Variants in NRG1 observed in about 807,000 individuals in gnomAD.
NRG1 encodes pro-neuregulin-1, membrane-bound isoform.
A neutral mutation model predicts 63.8 loss-of-function variants in NRG1; 18 were observed. That is an observed-to-expected ratio of 0.28 (90% CI 0.19 to 0.42). NRG1 has a LOEUF of 0.42. Among genes scored for constraint, NRG1 ranks in the 10% least tolerant of loss-of-function variants. The probability of loss-of-function intolerance (pLI) is 1.00; values close to 1 mark genes in which losing one functional copy is unlikely to be tolerated. For synonymous variants in NRG1, 302 were observed against 301.3 expected (o/e 1.00, Z -0.02); for missense variants, 762 against 814.7 (o/e 0.94, Z 0.79).
At chr8:32,231,983 AG>A (rs1847005833) in intron 1 of NRG1, among the ~76,000 whole-genome samples, 1 of 152,006 alleles carries the variant, frequency 6.6e-6, no homozygotes, top group Non-Finnish European at 1.5e-5. Context: ...AGCTCACTGC[AG>A]CCTCAACCTC....
intron 1 of NRG1, among the ~76,000 whole-genome samples, chr8:32,278,873 T>A (rs1563263005): frequency 6.6e-6 from 1 of 152,224 alleles, no homozygotes; most frequent in Non-Finnish European, 1.5e-5. Context: ...AGCTGACGTC[T>A]ATTGTCCTGC....
At chr8:32,733,689 G>A (rs1824316137) in intron 6 of NRG1, among the ~76,000 whole-genome samples, 1 of 151,956 alleles carries the variant, frequency 6.6e-6, no homozygotes, top group Non-Finnish European at 1.5e-5. Flanking sequence ...TATAAGGAAT[G>A]GTGTCTGATC....
At chr8:31,985,423 C>G (rs1809895919) in intron 1 of NRG1, among the ~76,000 whole-genome samples, 1 of 152,142 alleles carries the variant, frequency 6.6e-6, no homozygotes, top group Non-Finnish European at 1.5e-5. Flanking sequence ...CCCAGTACCT[C>G]TAAAAATTAA....
chr8:32,449,483 C>T (rs1007815161), intron 1 of NRG1, among the ~76,000 whole-genome samples: 1 of 151,286 alleles, frequency 6.6e-6, no homozygotes, highest in African/African-American at 2.4e-5. Flanking sequence ...CCATTTATTT[C>T]AGGTGTAAGA....
At chr8:32,712,325 G>A (rs947150462) in intron 5 of NRG1, among the ~76,000 whole-genome samples, 2 of 152,142 alleles carry the variant, frequency 1.3e-5, no homozygotes, top group Non-Finnish European at 2.9e-5. Flanking sequence ...GAAATTGTCT[G>A]TAAAGAGTCT....
At chr8:31,847,382 A>G (rs2129608530) in intron 1 of NRG1, among the ~76,000 whole-genome samples, 1 of 152,296 alleles carries the variant, frequency 6.6e-6, no homozygotes, top group South Asian at 2.1e-4. Flanking sequence ...CATTCAATAA[A>G]TATTTACTTT....
At chr8:31,693,508 AAG>A (rs917832580) in intron 1 of NRG1, among the ~76,000 whole-genome samples, 11 of 146,666 alleles carry the variant, frequency 7.5e-5, no homozygotes, top group African/African-American at 3.0e-4. Flanking sequence ...AAAAAAAAAA[AAG>A]AATGCCTAGC....
intron 1 of NRG1, among the ~76,000 whole-genome samples, chr8:32,481,334 G>A (rs983351769): frequency 3.0e-5 from 4 of 134,596 alleles, no homozygotes; most frequent in Non-Finnish European, 4.7e-5. Context: ...TTGAGAACCT[G>A]TCTTAATAAA....
At chr8:32,434,158 C>T (rs1345709182) in intron 1 of NRG1, among the ~76,000 whole-genome samples, 1 of 151,096 alleles carries the variant, frequency 6.6e-6, no homozygotes, top group Non-Finnish European at 1.5e-5. Context: ...TGCACCCCAG[C>T]CTGGCGACAG....
At chr8:32,192,146 G>C (rs1434720274) in intron 1 of NRG1, 2 of 152,164 alleles carry the variant, frequency 1.3e-5, no homozygotes, top group Non-Finnish European at 2.9e-5. Flanking sequence ...CACGTTCAGG[G>C]TGATAAATTA....
intron 1 of NRG1, among the ~76,000 whole-genome samples, chr8:32,352,620 C>T (rs1805758525): frequency 6.6e-6 from 1 of 152,082 alleles, no homozygotes; most frequent in Non-Finnish European, 1.5e-5. Context: ...GTGGTTCACA[C>T]CTGTACTCCC....
At chr8:32,430,150 G>C (rs933395407) in intron 1 of NRG1, among the ~76,000 whole-genome samples, 2 of 152,128 alleles carry the variant, frequency 1.3e-5, no homozygotes, top group African/African-American at 4.8e-5. Flanking sequence ...ATTTTGTAAT[G>C]TAAGCTTGAC....
intron 1 of NRG1, among the ~76,000 whole-genome samples, chr8:32,145,300 G>A (rs547004470): frequency 2.0e-5 from 3 of 152,190 alleles, no homozygotes; most frequent in African/African-American, 7.2e-5. Context: ...GAGTATTTAG[G>A]TGTAACTTTC....
intron 1 of NRG1, among the ~76,000 whole-genome samples, chr8:32,559,198 A>T (rs975830691): frequency 7.2e-6 from 1 of 138,424 alleles, no homozygotes; most frequent in African/African-American, 2.7e-5. Context: ...CCTTTGGAAA[A>T]TTCACAATGT....
intron 1 of NRG1, among the ~76,000 whole-genome samples, chr8:31,677,095 G>C (rs1585594045): frequency 6.6e-6 from 1 of 152,254 alleles, no homozygotes; most frequent in East Asian, 1.9e-4. Context: ...GTATGAAAAT[G>C]AGACTAGTTT....
At chr8:32,589,469 C>T (rs1235354718) in intron 1 of NRG1, among the ~76,000 whole-genome samples, 1 of 152,220 alleles carries the variant, frequency 6.6e-6, no homozygotes. Context: ...GCTTTTTACA[C>T]ATTTATGCAG....
At chr8:32,572,521 A>C (rs1362424413) in intron 1 of NRG1, among the ~76,000 whole-genome samples, 1 of 152,192 alleles carries the variant, frequency 6.6e-6, no homozygotes, top group East Asian at 1.9e-4. Context: ...ACTGCAATGT[A>C]CTATCCTAAC....
intron 1 of NRG1, among the ~76,000 whole-genome samples, chr8:32,381,885 A>C (rs1221219445): frequency 6.6e-6 from 1 of 152,230 alleles, no homozygotes; most frequent in East Asian, 1.9e-4. Context: ...AACTGAAAGT[A>C]AATATAGACA....
intron 1 of NRG1, among the ~76,000 whole-genome samples, chr8:31,811,692 A>G (rs186829142): frequency 3.9e-5 from 6 of 152,314 alleles, no homozygotes; most frequent in Admixed American, 3.9e-4. Flanking sequence ...TATATAAAAA[A>G]TGTGGACCAT....
Sources: allele counts gnomAD v4.1 joint callset (sites outside exome capture counted in the v4.1 genomes callset), GRCh38; gene constraint gnomAD v4.1.1; transcripts MANE v1.5; gene names NCBI Gene and HGNC (gene_info 2026-07-23, HGNC 2026-07-21).